Variants in SHISA9 observed in about 807,000 individuals in gnomAD.
SHISA9 encodes the protein shisa family member 9.
A neutral mutation model predicts 38.0 loss-of-function variants in SHISA9; 13 were observed. The observed-to-expected ratio is 0.34, with a 90% CI of 0.22 to 0.54. The LOEUF (loss-of-function observed/expected upper bound fraction) is 0.54. SHISA9 is among the 20% of genes least tolerant of loss of function. The pLI is 0.91. For missense variants in SHISA9, 538 were observed against 575.8 expected, an observed-to-expected ratio of 0.93 and a Z score of 0.67; for synonymous variants, 275 against 242.0, an observed-to-expected ratio of 1.14 and a Z score of -1.27.
intron 2 of SHISA9, among the ~76,000 whole-genome samples, chr16:13,133,982 C>A (rs57312625): frequency 0.013 from 2,002 of 152,302 alleles, 40 homozygotes; most frequent in African/African-American, 0.045. Flanking sequence ...TTCCTACTGA[C>A]AATGTACTCT....
intron 2 of SHISA9, among the ~76,000 whole-genome samples, chr16:13,002,369 C>A (rs940498297): frequency 2.0e-5 from 3 of 152,142 alleles, no homozygotes; most frequent in Non-Finnish European, 4.4e-5. Context: ...CTTGTCCCTG[C>A]AACCATCCTA....
At chr16:13,241,296 C>T (rs1284784839), downstream of SHISA9, among the ~76,000 whole-genome samples, 3 of 152,148 alleles carry the variant, frequency 2.0e-5, no homozygotes, top group South Asian at 2.1e-4. Context: ...GGGCAGATCA[C>T]CTAAGGTCAG....
intron 2 of SHISA9, among the ~76,000 whole-genome samples, chr16:13,098,549 G>T (rs2073849192): frequency 6.6e-6 from 1 of 152,248 alleles, no homozygotes; most frequent in African/African-American, 2.4e-5. Flanking sequence ...GGTTCTCTTT[G>T]TAAAACCCAT....
intron 2 of SHISA9, among the ~76,000 whole-genome samples, chr16:12,969,750 G>A (rs1387932000): frequency 3.9e-5 from 6 of 152,030 alleles, no homozygotes; most frequent in East Asian, 1.9e-4. Flanking sequence ...CTATCCCCAC[G>A]CCCTCCCCAC....
chr16:13,396,109 G>A, the SHISA9 span, among the ~76,000 whole-genome samples: 1 of 152,328 alleles, frequency 6.6e-6, no homozygotes, highest in Admixed American at 6.5e-5. Context: ...TTTATAAGAT[G>A]TGATTTTATG....
the SHISA9 span, among the ~76,000 whole-genome samples, chr16:13,265,830 AC>A: frequency 1.3e-4 from 20 of 149,320 alleles, no homozygotes; most frequent in East Asian, 1.2e-3. Flanking sequence ...GAAAAAAAAA[AC>A]AAGAATCTCT....
At chr16:13,027,927 C>CA (rs201210384) in intron 2 of SHISA9, among the ~76,000 whole-genome samples, 6,831 of 28,812 alleles carry the variant, frequency 0.24, 1,186 homozygotes, top group Non-Finnish European at 0.31. Context: ...AGCTCTGTCT[C>CA]AAAAACAAAA....
chr16:13,506,798 G>A, the SHISA9 span, among the ~76,000 whole-genome samples: 1 of 152,102 alleles, frequency 6.6e-6, no homozygotes, highest in Admixed American at 6.5e-5. Flanking sequence ...ACTTTGGGAG[G>A]CTGAGGCAGC....
chr16:13,504,192 G>C, the SHISA9 span, among the ~76,000 whole-genome samples: 3 of 152,130 alleles, frequency 2.0e-5, no homozygotes, highest in African/African-American at 7.2e-5. Flanking sequence ...GTTTTGATGA[G>C]GAGTTGCATA....
At chr16:13,136,311 G>C (rs1040367258) in intron 2 of SHISA9, among the ~76,000 whole-genome samples, 6 of 151,040 alleles carry the variant, frequency 4.0e-5, no homozygotes, top group African/African-American at 1.5e-4. Context: ...TCTTGCCAAA[G>C]TGCATGTCAC....
the SHISA9 span, among the ~76,000 whole-genome samples, chr16:13,291,500 A>G: frequency 8.8e-4 from 134 of 152,282 alleles, no homozygotes; most frequent in African/African-American, 3.1e-3. Context: ...CACTTTATGT[A>G]TTGCCTCTTT....
chr16:13,185,292 C>G (rs959033364), intron 2 of SHISA9, among the ~76,000 whole-genome samples: 4 of 152,142 alleles, frequency 2.6e-5, no homozygotes, highest in Non-Finnish European at 5.9e-5. Context: ...GCATCAAACT[C>G]CTGGGCTTAA....
chr16:13,549,872 A>T, the SHISA9 span, among the ~76,000 whole-genome samples: 1 of 151,992 alleles, frequency 6.6e-6, no homozygotes. Context: ...AAATGCAAAA[A>T]ATTAGCTGGG....
intron 2 of SHISA9, among the ~76,000 whole-genome samples, chr16:13,039,184 C>T (rs2073106021): frequency 6.6e-6 from 1 of 152,324 alleles, no homozygotes; most frequent in South Asian, 2.1e-4. Flanking sequence ...GCTGGGATTA[C>T]AGGCATAAGC....
chr16:12,908,446 C>A, intron 1 of SHISA9: 1 of 1,550,356 alleles, frequency 6.5e-7, no homozygotes, highest in South Asian at 1.2e-5. Context: ...TGTAAATTCT[C>A]GTTTAATTTC....
chr16:13,510,846 AGGAC>A, the SHISA9 span, among the ~76,000 whole-genome samples: 1 of 152,174 alleles, frequency 6.6e-6, no homozygotes, highest in Non-Finnish European at 1.5e-5. Context: ...TCTGCAATCA[AGGAC>A]CCTTGTCATC....
intron 2 of SHISA9, among the ~76,000 whole-genome samples, chr16:12,974,429 A>C (rs1323394534): frequency 1.3e-5 from 2 of 151,462 alleles, no homozygotes; most frequent in Admixed American, 6.6e-5. Flanking sequence ...AAAATTAAGA[A>C]TATGACTTTC....
At chr16:13,367,704 G>GTGCGCA in the SHISA9 span, among the ~76,000 whole-genome samples, 37 of 115,158 alleles carry the variant, frequency 3.2e-4, no homozygotes, top group African/African-American at 1.2e-3. Context: ...GCGTGCGCGC[G>GTGCGCA]CGCGCGCGCA....
At chr16:12,970,111 A>G (rs1277241323) in intron 2 of SHISA9, among the ~76,000 whole-genome samples, 1 of 150,586 alleles carries the variant, frequency 6.6e-6, no homozygotes, top group Non-Finnish European at 1.5e-5. Flanking sequence ...CCCTTTATGT[A>G]TTTAAATATT....
Sources: gnomAD v4.1 joint callset for allele counts (sites outside exome capture counted in the v4.1 genomes callset) on GRCh38, gnomAD v4.1.1 for gene constraint, MANE v1.5 for transcripts, NCBI Gene and HGNC (gene_info 2026-07-23, HGNC 2026-07-21) for gene names.